The following NOL10 variants were observed in gnomAD, a reference collection of about 807,000 sequenced individuals.
NOL10 encodes nucleolar protein 10.
A neutral mutation model predicts 103.5 loss-of-function variants in NOL10; 58 were observed. The ratio of observed to expected loss-of-function variants is 0.56; its 90% CI spans 0.45 to 0.70. The LOEUF (loss-of-function observed/expected upper bound fraction) is 0.70. Among genes scored for constraint, NOL10 ranks in the 30% least tolerant of loss-of-function variants. The pLI is 0.00. For missense variants in NOL10, 763 were observed against 807.3 expected (o/e 0.95, Z 0.67); for synonymous variants, 287 against 282.5 (o/e 1.02, Z -0.16).
intron 9 of NOL10, among the ~76,000 whole-genome samples, chr2:10,661,470 C>T (rs1680202266): frequency 6.6e-6 from 1 of 152,000 alleles, no homozygotes; most frequent in South Asian, 2.1e-4. Flanking sequence ...CTCCCGGGTT[C>T]AGGCGATTCT....
In NOL10 at chr2:10,668,570, AAT is replaced by A. The variant is rs1256717200; in HGVS notation, c.530+86_530+87del. On this transcript the variant is annotated intron_variant, in intron 7 of 20. Transcript: ENST00000381685. Reference sequence around the variant, plus strand: ...GTTGCTGGGAGTTTTGCTTAATTGCAATAGTTTATGTTACTTGTTAACAAACT... The same window carrying A: ...GTTGCTGGGAGTTTTGCTTAATTGCAAGTTTATGTTACTTGTTAACAAACT... The A allele has an allele frequency of 9.0e-6, 5 of 558,278 alleles. No homozygotes were observed. The Admixed American group carries it at 1.6e-4, about 17-fold the overall frequency. The allele number at this position is 558,278 out of a possible 1,614,324, so 34.6% of individuals were successfully genotyped here. A position where few individuals can be genotyped will look rare whatever the true frequency, so the allele number is the denominator to read the frequency against.
intron 10 of NOL10, 93 bp downstream of exon 10, chr2:10,659,079 T>C: frequency 1.2e-6 from 1 of 848,826 alleles, no homozygotes; most frequent in Non-Finnish European, 1.9e-6. Context: ...TAGTATGATC[T>C]CATTTTCTGT....
At chr2:10,661,392 G>C (rs1054896114) in intron 9 of NOL10, among the ~76,000 whole-genome samples, 12 of 150,538 alleles carry the variant, frequency 8.0e-5, no homozygotes, top group Admixed American at 8.0e-4. Flanking sequence ...TTATGTTTGA[G>C]ATGGAGTCTC....
chr2:10,656,172 A>T (rs1178671880), intron 11 of NOL10, among the ~76,000 whole-genome samples: 2 of 152,346 alleles, frequency 1.3e-5, no homozygotes, highest in African/African-American at 4.8e-5. Context: ...CCAGTGTTTT[A>T]TGAATTTTTA....
intron 13 of NOL10, among the ~76,000 whole-genome samples, chr2:10,617,272 C>T (rs1411234852): frequency 6.6e-6 from 1 of 152,172 alleles, no homozygotes; most frequent in African/African-American, 2.4e-5. Flanking sequence ...AGTAAAAAGA[C>T]CAGCCCAGTG....
At chr2:10,668,944 C>T (rs948937705) in intron 6 of NOL10, among the ~76,000 whole-genome samples, 3 of 151,882 alleles carry the variant, frequency 2.0e-5, no homozygotes, top group Non-Finnish European at 2.9e-5. Context: ...GAAGTCATTA[C>T]GTAGAATACT....
At chr2:10,638,726 C>G (rs952591029) in intron 13 of NOL10, among the ~76,000 whole-genome samples, 2 of 147,884 alleles carry the variant, frequency 1.4e-5, no homozygotes, top group Non-Finnish European at 3.0e-5. Context: ...CTCCTGAACT[C>G]GTGATCCGCC....
intron 20 of NOL10, among the ~76,000 whole-genome samples, chr2:10,574,435 C>T (rs1001652418): frequency 3.3e-5 from 5 of 152,156 alleles, no homozygotes; most frequent in Non-Finnish European, 7.3e-5. Flanking sequence ...ATCATGAGGT[C>T]AGGAGATCAA....
intron 6 of NOL10, 142 bp downstream of exon 6, chr2:10,671,409 CTTT>C (rs5829273): frequency 7.4e-3 from 3,343 of 454,482 alleles, no homozygotes; most frequent in East Asian, 9.7e-3. Flanking sequence ...GTTTTCTTTT[CTTT>C]TTTTTTTTTT....
At chr2:10,668,175 T>C (rs1418817041) in intron 7 of NOL10, among the ~76,000 whole-genome samples, 5 of 152,260 alleles carry the variant, frequency 3.3e-5, no homozygotes, top group African/African-American at 1.2e-4. Flanking sequence ...TTTATCACTA[T>C]TATTTGTTGT....
chr2:10,630,920 G>A (rs1258528254), intron 13 of NOL10, among the ~76,000 whole-genome samples: 2 of 152,110 alleles, frequency 1.3e-5, no homozygotes, highest in Admixed American at 6.5e-5. Flanking sequence ...CTGGAACATC[G>A]TTTGTATGCT....
At chr2:10,637,095 G>C (rs1678286342) in intron 13 of NOL10, among the ~76,000 whole-genome samples, 1 of 148,658 alleles carries the variant, frequency 6.7e-6, no homozygotes, top group Non-Finnish European at 1.5e-5. Flanking sequence ...CCAGCTACTT[G>C]AGAGGCTGAG....
chr2:10,615,756 AAGCATGGG>A (rs1676800982), intron 13 of NOL10, among the ~76,000 whole-genome samples: 1 of 152,194 alleles, frequency 6.6e-6, no homozygotes, highest in Non-Finnish European at 1.5e-5. Context: ...TCAAGGCTCT[AAGCATGGG>A]GGACGACAGG....
intron 20 of NOL10, among the ~76,000 whole-genome samples, chr2:10,572,866 T>C (rs1023526256): frequency 2.0e-5 from 3 of 152,152 alleles, no homozygotes; most frequent in Non-Finnish European, 4.4e-5. Context: ...GTGCTCACAT[T>C]TGTCCTCAAT....
At chr2:10,629,125 C>T (rs1044660347) in intron 13 of NOL10, among the ~76,000 whole-genome samples, 3 of 148,936 alleles carry the variant, frequency 2.0e-5, no homozygotes, top group African/African-American at 5.0e-5. Flanking sequence ...CCCCCCACCA[C>T]CCCTCCACCT....
At chr2:10,590,016 TG>T (rs1403132106) in intron 17 of NOL10, among the ~76,000 whole-genome samples, 1 of 152,190 alleles carries the variant, frequency 6.6e-6, no homozygotes. Context: ...ATGACCCTTT[TG>T]GCTAACTTTA....
intron 20 of NOL10, among the ~76,000 whole-genome samples, chr2:10,573,475 C>T (rs544234794): frequency 3.9e-4 from 59 of 152,068 alleles, no homozygotes; most frequent in Non-Finnish European, 2.2e-4. Flanking sequence ...TACAGGCGTG[C>T]GCCACCGTGC....
intron 19 of NOL10, among the ~76,000 whole-genome samples, chr2:10,585,455 CAT>C (rs1674977807): frequency 3.3e-5 from 5 of 152,176 alleles, no homozygotes; most frequent in Admixed American, 3.3e-4. Context: ...TAGATGAAAA[CAT>C]ATGCAAAACA....
intron 1 of NOL10, among the ~76,000 whole-genome samples, 194 bp downstream of exon 1, chr2:10,689,602 G>A (rs1359115635): frequency 6.6e-6 from 1 of 152,226 alleles, no homozygotes; most frequent in African/African-American, 2.4e-5. Flanking sequence ...TTTCTGGCGC[G>A]GTGACGGCAG....
Sources: allele counts gnomAD v4.1 joint callset (sites outside exome capture counted in the v4.1 genomes callset), GRCh38; gene constraint gnomAD v4.1.1; transcripts MANE v1.5; gene names NCBI Gene and HGNC (gene_info 2026-07-23, HGNC 2026-07-21).